The following SHCBP1L variants were observed in gnomAD, a reference collection of about 807,000 sequenced individuals.
SHCBP1L encodes SHC binding and spindle associated 1 like.
Under a neutral mutation model 62.5 loss-of-function variants are expected in SHCBP1L, and 67 were observed. The ratio of observed to expected loss-of-function variants is 1.07; its 90% CI spans 0.88 to 1.31. SHCBP1L has a LOEUF of 1.31. Among genes scored for constraint, SHCBP1L ranks in the 40% most tolerant of loss-of-function variants. The pLI is 0.00. For missense variants in SHCBP1L, 823 were observed against 809.8 expected (o/e 1.02, Z -0.20); for synonymous variants, 284 against 289.4 (o/e 0.98, Z 0.19).
chr1:182,903,209 C>T, intron 8 of SHCBP1L, 48 bp from the exon 9 acceptor site: 1 of 1,417,746 alleles, frequency 7.1e-7, no homozygotes, highest in African/African-American at 1.4e-5. Context: ...TATACACAAA[C>T]CTCTCTCCAA....
At chr1:182,913,156 A>C (rs1650243193) in intron 6 of SHCBP1L, among the ~76,000 whole-genome samples, 1 of 152,014 alleles carries the variant, frequency 6.6e-6, no homozygotes, top group Admixed American at 6.6e-5. Context: ...TAATTAATTA[A>C]ATTAACTGGT....
At position 182,924,903 on chromosome 1, in the gene SHCBP1L, G is replaced by A. The variant is rs868039021; in HGVS notation, c.1182+4744C>T. Among the ~76,000 whole-genome samples the A allele has an allele frequency of 1.2e-3, 136 of 115,528 alleles. 2 individuals are homozygous for A. The highest frequency in any genetic ancestry group is 4.2e-3 in the African/African-American group (131 of 30,976). The allele number at this position is 115,528 out of a possible 152,430, so 75.8% of individuals were successfully genotyped here. A position where few individuals can be genotyped will look rare whatever the true frequency, so the allele number is the denominator to read the frequency against. On this transcript the variant is annotated intron_variant, in intron 6 of 9. Coordinates refer to ENST00000367547, the MANE Select transcript of SHCBP1L (RefSeq NM_030933.4). Reference sequence around the variant, plus strand: ...AGGAAGGGAAAGACAAAGAGAGAGAGAGAAAGAAAGGAAAGGAAGGAAGGA... The same window carrying A: ...AGGAAGGGAAAGACAAAGAGAGAGAAAGAAAGAAAGGAAAGGAAGGAAGGA...
chr1:182,924,731 A>C (rs1225243365), intron 6 of SHCBP1L, among the ~76,000 whole-genome samples: 1 of 88,992 alleles, frequency 1.1e-5, no homozygotes, highest in South Asian at 4.4e-4. Flanking sequence ...AAAGAAAGAA[A>C]GAAAGAAAGA....
At chr1:182,950,839 T>C (rs1413249157) in intron 2 of SHCBP1L, among the ~76,000 whole-genome samples, 1 of 151,696 alleles carries the variant, frequency 6.6e-6, no homozygotes, top group Admixed American at 6.6e-5. Flanking sequence ...CTCCGCCTCC[T>C]GGGTTCACAC....
At chr1:182,902,349 C>T (rs1410928536) in intron 9 of SHCBP1L, among the ~76,000 whole-genome samples, 1 of 152,054 alleles carries the variant, frequency 6.6e-6, no homozygotes, top group Non-Finnish European at 1.5e-5. Flanking sequence ...CTGTGCCTGG[C>T]CTTGTACCTT....
At chr1:182,900,974 C>T (rs1003753276) in intron 9 of SHCBP1L, among the ~76,000 whole-genome samples, 5 of 152,136 alleles carry the variant, frequency 3.3e-5, no homozygotes, top group Admixed American at 2.0e-4. Flanking sequence ...GGCAATACAA[C>T]CCATGAAGCT....
chr1:182,951,933 T>C (rs1166767659), intron 1 of SHCBP1L: 1 of 362,006 alleles, frequency 2.8e-6, no homozygotes, highest in Non-Finnish European at 5.6e-6. Flanking sequence ...AGCGGGCAGA[T>C]TACCTGAGGT....
At chr1:182,930,533 T>C (rs1243746038) in intron 5 of SHCBP1L, among the ~76,000 whole-genome samples, 1 of 132,354 alleles carries the variant, frequency 7.6e-6, no homozygotes, top group African/African-American at 2.8e-5. Flanking sequence ...GCTAAGAGGA[T>C]GTGGCTTTAG....
intron 2 of SHCBP1L, among the ~76,000 whole-genome samples, chr1:182,945,305 A>G (rs1158180085): frequency 6.6e-6 from 1 of 152,118 alleles, no homozygotes; most frequent in Non-Finnish European, 1.5e-5. Context: ...TTTAGCCCCA[A>G]ATTCCTTAAG....
At chr1:182,945,081 A>G (rs879646973) in intron 2 of SHCBP1L, among the ~76,000 whole-genome samples, 1 of 147,960 alleles carries the variant, frequency 6.8e-6, no homozygotes, top group Non-Finnish European at 1.5e-5. Flanking sequence ...CTCCTGCCTC[A>G]GCCTCCCACG....
intron 5 of SHCBP1L, among the ~76,000 whole-genome samples, chr1:182,937,109 C>A (rs1293404292): frequency 6.6e-6 from 1 of 151,702 alleles, no homozygotes; most frequent in Non-Finnish European, 1.5e-5. Flanking sequence ...ATTTATTTTA[C>A]CTTTATTCCT....
At chr1:182,917,587 T>G (rs989635621) in intron 6 of SHCBP1L, among the ~76,000 whole-genome samples, 1 of 152,110 alleles carries the variant, frequency 6.6e-6, no homozygotes, top group Non-Finnish European at 1.5e-5. Flanking sequence ...AAGCCCAAGA[T>G]CAATGTGTCA....
chr1:182,905,334 A>C (rs1054829536), intron 7 of SHCBP1L, among the ~76,000 whole-genome samples, 162 bp downstream of exon 7: 22 of 152,224 alleles, frequency 1.4e-4, no homozygotes, highest in African/African-American at 5.1e-4. Context: ...GGAGCTATAG[A>C]AAATATGACG....
At chr1:182,942,235 C>G (rs1251416531) in intron 2 of SHCBP1L, 1 of 1,361,736 alleles carries the variant, frequency 7.3e-7, no homozygotes, top group East Asian at 2.3e-5. Context: ...CCTTTGCTCC[C>G]CTTTTCCCTT....
rs113343719 is a variant in SHCBP1L, at chr1:182,900,089, T to G, written c.1856A>C (p.Lys619Thr). 2.4e-4 allele frequency: 385 copies of G among 1,612,880 alleles called. 2 individuals are homozygous for G. In the African/African-American group the frequency reaches 4.3e-3, roughly 18 times the overall value. Residue 619 changes from lysine (K) to threonine (T), a missense_variant, in exon 10 of 10, where the codon AAA becomes ACA. Transcript: ENST00000367547. ...LNKRASSGDK[K>T]DDKMLFKVMQ... is the part of the protein sequence containing the mutation. The stretch of plus-strand genomic sequence containing the variant: ...TACTTTGAAGAGCATTTTATCATCT[T>G]TTTTATCTCCTGAAGAAGCCCTTTT...
chr1:182,936,659 ATT>A (rs1407403709), intron 5 of SHCBP1L, among the ~76,000 whole-genome samples: 8 of 152,146 alleles, frequency 5.3e-5, no homozygotes, highest in Admixed American at 3.3e-4. Flanking sequence ...CTTTTATGAT[ATT>A]GTTTCATTTA....
chr1:182,934,565 T>C (rs1015113512), intron 5 of SHCBP1L, among the ~76,000 whole-genome samples: 7 of 152,182 alleles, frequency 4.6e-5, no homozygotes, highest in African/African-American at 1.7e-4. Context: ...ATGAGCTCTT[T>C]GTATATTTTA....
chr1:182,915,880 C>T (rs2101928388), intron 6 of SHCBP1L, among the ~76,000 whole-genome samples: 2 of 150,398 alleles, frequency 1.3e-5, no homozygotes, highest in East Asian at 3.9e-4. Flanking sequence ...GATCTCGGCT[C>T]ACTGCAAGCT....
rs1159405984 is a variant in SHCBP1L at position 182,930,681 on chromosome 1, GTGTGTGTGTGTGTGTGTGTGTGTA to G, written c.1077-953_1077-930del. Among the ~76,000 whole-genome samples, 150 of 85,760 alleles carry G rather than the reference GTGTGTGTGTGTGTGTGTGTGTGTA, an allele frequency of 1.7e-3. 5 individuals carry two copies. Among genetic ancestry groups the G allele is most frequent in the African/African-American group, 7.5e-3 (143 of 19,064 alleles). 56.3% of individuals were successfully genotyped at this position (85,760 alleles called of 152,430 possible). A position where few individuals can be genotyped will look rare whatever the true frequency, so the allele number is the denominator to read the frequency against. ...TGTGTGTGTGTGTGTGTGTGTGTGT[GTGTGTGTGTGTGTGTGTGTGTGTA>G]TATATATATATATATATATGTATTT... On this transcript the variant is annotated intron_variant, in intron 5 of 9. Coordinates refer to ENST00000367547, the MANE Select transcript of SHCBP1L (RefSeq NM_030933.4).
Sources: allele counts gnomAD v4.1 joint callset (sites outside exome capture counted in the v4.1 genomes callset), GRCh38; gene constraint gnomAD v4.1.1; transcripts MANE v1.5; gene names NCBI Gene and HGNC (gene_info 2026-07-23, HGNC 2026-07-21).